Variants in CAST observed in about 807,000 individuals in gnomAD.
CAST encodes the protein calpastatin, also known as MIR583 host.
In CAST, 76 loss-of-function variants were observed where a neutral mutation model predicts 119.6. That is an observed-to-expected ratio of 0.64 (90% CI 0.53 to 0.77). CAST has a LOEUF of 0.77. Among genes scored for constraint, CAST ranks in the 30% least tolerant of loss-of-function variants. The pLI is 0.00. For missense variants in CAST, 953 were observed against 946.5 expected (o/e 1.01, Z -0.09); for synonymous variants, 319 against 331.6 (o/e 0.96, Z 0.41).
At chr5:96,012,902 A>G in the CAST span, among the ~76,000 whole-genome samples, 1 of 152,176 alleles carries the variant, frequency 6.6e-6, no homozygotes, top group African/African-American at 2.4e-5. Context: ...CTGCCAGTCC[A>G]AGGAGAGTAA....
chr5:96,280,726 A>G, the CAST span, among the ~76,000 whole-genome samples: 3 of 152,316 alleles, frequency 2.0e-5, no homozygotes, highest in East Asian at 5.8e-4. Flanking sequence ...ATAAAATACC[A>G]GTAGAACAGA....
chr5:96,523,611 A>G (rs1236094486), upstream of CAST, among the ~76,000 whole-genome samples: 1 of 152,192 alleles, frequency 6.6e-6, no homozygotes, highest in Non-Finnish European at 1.5e-5. Flanking sequence ...GATAATAGCT[A>G]AGGTGGAAGA....
At chr5:96,613,541 A>G (rs1419365233) in intron 1 of CAST, among the ~76,000 whole-genome samples, 1 of 152,206 alleles carries the variant, frequency 6.6e-6, no homozygotes, top group Non-Finnish European at 1.5e-5. Context: ...AAGATTAAGT[A>G]ACTCACCATG....
At chr5:96,099,328 C>T in the CAST span, among the ~76,000 whole-genome samples, 1 of 152,180 alleles carries the variant, frequency 6.6e-6, no homozygotes, top group Admixed American at 6.5e-5. Flanking sequence ...CTTTCTCTTG[C>T]CTGACTCCTC....
the CAST span, among the ~76,000 whole-genome samples, chr5:95,977,321 C>T: frequency 2.0e-5 from 3 of 152,350 alleles, no homozygotes; most frequent in African/African-American, 7.2e-5. Context: ...AACCCACTAC[C>T]TCAAGCCATT....
rs562627082 is a variant in CAST, at chr5:96,601,868, G to T, written c.60+71988G>T. ...TCCGGCATTTGATAAGCACCGTAAT[G>T]CTAATTGCTCCTGGTGTATCCAAAA... On this transcript the variant is annotated intron_variant, in intron 1 of 11. Coordinates refer to the CAST transcript ENST00000505143. 1.6e-4 allele frequency among the ~76,000 whole-genome samples: 25 copies of T among 152,300 alleles called. 1 individual carries two copies. In the South Asian group the frequency reaches 4.8e-3, roughly 29 times the overall value.
In CAST at chr5:96,762,259, T is replaced by C. The variant is rs1403129625; in HGVS notation, c.1834-15T>C. 2 of 1,582,730 alleles carry C rather than the reference T, an allele frequency of 1.3e-6. No homozygotes were observed. Among genetic ancestry groups the C allele is most frequent in the Admixed American group, 1.8e-5 (1 of 55,500 alleles). ...ATATACAACATGTTACTAATAAAAT[T>C]TTTTTCAATAAAAGAAATTTGAAGA... On this transcript the variant is annotated splice_polypyrimidine_tract_variant and intron_variant, in intron 24 of 31. Coordinates refer to ENST00000675179, the MANE Select transcript of CAST (RefSeq NM_001750.7).
At chr5:96,060,363 T>A in the CAST span, among the ~76,000 whole-genome samples, 1 of 152,088 alleles carries the variant, frequency 6.6e-6, no homozygotes, top group Non-Finnish European at 1.5e-5. Flanking sequence ...TTGGTAAAGA[T>A]CCACATGCTA....
intron 19 of CAST, among the ~76,000 whole-genome samples, chr5:96,750,349 T>G (rs1366896760): frequency 6.6e-6 from 1 of 152,154 alleles, no homozygotes; most frequent in Non-Finnish European, 1.5e-5. Context: ...ATGTGGAAAC[T>G]CAGTTTCACG....
At chr5:96,286,464 G>A in the CAST span, among the ~76,000 whole-genome samples, 2 of 152,138 alleles carry the variant, frequency 1.3e-5, no homozygotes, top group South Asian at 2.1e-4. Flanking sequence ...AGAATCAATA[G>A]AATGTTTTAT....
chr5:96,662,174 C>T (rs1748590773), upstream of CAST: 2 of 420,346 alleles, frequency 4.8e-6, no homozygotes, highest in East Asian at 4.1e-5. Context: ...GGGTGAGGAC[C>T]GGGGCGGAGG....
At chr5:96,173,639 T>C in the CAST span, among the ~76,000 whole-genome samples, 1 of 152,234 alleles carries the variant, frequency 6.6e-6, no homozygotes, top group African/African-American at 2.4e-5. Flanking sequence ...CGAGGTTTTC[T>C]TATAACTTCC....
At chr5:96,283,985 T>C in the CAST span, among the ~76,000 whole-genome samples, 1 of 152,056 alleles carries the variant, frequency 6.6e-6, no homozygotes, top group East Asian at 1.9e-4. Context: ...GCTCTTACCA[T>C]TGGACTGGGG....
chr5:96,772,166 G>A (rs1229895491), intron 31 of CAST: 1 of 153,796 alleles, frequency 6.5e-6, no homozygotes, highest in Non-Finnish European at 1.5e-5. Context: ...CAAGGGCAAA[G>A]GAAAAGATTG....
At chr5:96,445,055 C>G in the CAST span, among the ~76,000 whole-genome samples, 1 of 152,178 alleles carries the variant, frequency 6.6e-6, no homozygotes, top group Non-Finnish European at 1.5e-5. Flanking sequence ...ACTCCCTGAC[C>G]TGCAATCTTC....
At chr5:96,706,129 C>G (rs1040659418) in intron 3 of CAST, among the ~76,000 whole-genome samples, 1 of 152,024 alleles carries the variant, frequency 6.6e-6, no homozygotes, top group Non-Finnish European at 1.5e-5. Flanking sequence ...GAATAGAGCC[C>G]TAAGATGCTG....
the CAST span, among the ~76,000 whole-genome samples, chr5:96,111,966 A>G: frequency 2.5e-3 from 386 of 151,648 alleles, 2 homozygotes; most frequent in South Asian, 4.8e-3. Context: ...TTTAAACTTT[A>G]TTTTATGTAG....
At chr5:96,635,093 G>A (rs967093093) in intron 1 of CAST, among the ~76,000 whole-genome samples, 1 of 152,206 alleles carries the variant, frequency 6.6e-6, no homozygotes, top group Non-Finnish European at 1.5e-5. Flanking sequence ...GACACAGTAG[G>A]TGGGTGGATT....
At chr5:96,265,034 T>A in the CAST span, among the ~76,000 whole-genome samples, 1 of 152,204 alleles carries the variant, frequency 6.6e-6, no homozygotes, top group South Asian at 2.1e-4. Flanking sequence ...CTGTTGGAAA[T>A]ATACCTAAAA....
Sources: allele counts gnomAD v4.1 joint callset (sites outside exome capture counted in the v4.1 genomes callset), GRCh38; gene constraint gnomAD v4.1.1; transcripts MANE v1.5; gene names NCBI Gene and HGNC (gene_info 2026-07-23, HGNC 2026-07-21).